The following APIP variants were observed in gnomAD, a reference collection of about 807,000 sequenced individuals.
APIP encodes the protein methylthioribulose-1-phosphate dehydratase.
Under a neutral mutation model 32.0 loss-of-function variants are expected in APIP, and 32 were observed. That is an observed-to-expected ratio of 1.00 (90% CI 0.76 to 1.34). The LOEUF (loss-of-function observed/expected upper bound fraction) is 1.34, where lower values mean the gene tolerates loss of function less well. Among genes scored for constraint, APIP ranks in the 40% most tolerant of loss-of-function variants. APIP has a pLI of 0.00. For missense variants in APIP, 247 were observed against 298.6 expected, an observed-to-expected ratio of 0.83 and a Z score of 1.27; for synonymous variants, 92 against 94.8, an observed-to-expected ratio of 0.97 and a Z score of 0.17.
At chr11:34,897,164 T>C (rs1016156894) in intron 1 of APIP, among the ~76,000 whole-genome samples, 1 of 152,204 alleles carries the variant, frequency 6.6e-6, no homozygotes, top group Non-Finnish European at 1.5e-5. Flanking sequence ...TACTTACTCA[T>C]TTTAAGTATT....
chr11:34,902,172 C>G lies in APIP; in HGVS notation c.58-7062G>C, dbSNP rs111704743. The stretch of plus-strand genomic sequence containing the variant: ...TGCCTTTTTCTGCATACCATTACAT[C>G]CTGATTCTCAACACCTGTTTGCCTT... On this transcript the variant is annotated intron_variant, in intron 1 of 6. Transcript: ENST00000395787. 2.6e-3 allele frequency among the ~76,000 whole-genome samples: 390 copies of G among 152,322 alleles called. 2 individuals are homozygous for G. The highest frequency in any genetic ancestry group is 8.9e-3 in the African/African-American group (369 of 41,552).
intron 5 of APIP, among the ~76,000 whole-genome samples, chr11:34,886,836 G>A (rs1440547634): frequency 6.6e-6 from 1 of 152,136 alleles, no homozygotes; most frequent in Non-Finnish European, 1.5e-5. Context: ...CCCTGGGTGT[G>A]CAGTAGGCTA....
intron 1 of APIP, among the ~76,000 whole-genome samples, chr11:34,912,779 C>T (rs773634602): frequency 1.3e-5 from 2 of 152,174 alleles, no homozygotes; most frequent in South Asian, 2.1e-4. Context: ...AGCCTGCAAA[C>T]GGCCTATTGC....
chr11:34,890,402 T>C (rs576438146), intron 3 of APIP, 102 bp downstream of exon 3: 81 of 1,128,200 alleles, frequency 7.2e-5, no homozygotes, highest in African/African-American at 6.5e-4. Flanking sequence ...GTTATTCAAA[T>C]TGCTATGATA....
intron 1 of APIP, among the ~76,000 whole-genome samples, chr11:34,900,616 G>A (rs1011582228): frequency 6.6e-6 from 1 of 152,110 alleles, no homozygotes; most frequent in East Asian, 1.9e-4. Flanking sequence ...AAAGCAGAAA[G>A]TTCTGCAGGC....
rs201392083 is a variant in APIP at position 34,890,511 on chromosome 11, C to T, written c.200G>A (p.Arg67Gln). The T allele has an allele frequency of 7.1e-5, 115 of 1,609,306 alleles. No individual in the cohort carries two copies. In the African/African-American group the frequency reaches 8.7e-4, roughly 12 times the overall value. Residue 67 changes from arginine (R) to glutamine (Q), a missense_variant, in exon 3 of 7, where the codon CGA becomes CAA. Transcript: ENST00000395787. The stretch of plus-strand genomic sequence containing the variant: ...AGAATCCCATTACCATACCTGAATT[C>T]GTTCCTTTTGCACTCCTGAAGGAGC... ...YIAPSGVQKE[R>Q]IQPEDMFVCD...
chr11:34,901,241 G>A (rs769896819), intron 1 of APIP, among the ~76,000 whole-genome samples: 3 of 152,038 alleles, frequency 2.0e-5, no homozygotes, highest in African/African-American at 7.3e-5. Flanking sequence ...GGCAAATCAG[G>A]GCATTTTAAG....
At chr11:34,908,035 G>GCA (rs1565139599) in intron 1 of APIP, among the ~76,000 whole-genome samples, 1 of 152,060 alleles carries the variant, frequency 6.6e-6, no homozygotes, top group Non-Finnish European at 1.5e-5. Context: ...TCTCATACAA[G>GCA]TATAAAATAA....
intron 3 of APIP, among the ~76,000 whole-genome samples, chr11:34,889,155 CA>C (rs1853142340): frequency 6.6e-6 from 1 of 151,490 alleles, no homozygotes; most frequent in Non-Finnish European, 1.5e-5. Flanking sequence ...ATACAAATCC[CA>C]AAAATTAAAA....
chr11:34,895,158 T>TA, intron 1 of APIP, 48 bp from the exon 2 acceptor site: 2 of 1,516,198 alleles, frequency 1.3e-6, no homozygotes, highest in Non-Finnish European at 1.8e-6. Flanking sequence ...TTTTATCAAG[T>TA]AACTATTCCA....
intron 1 of APIP, among the ~76,000 whole-genome samples, chr11:34,903,486 T>C (rs531778754): frequency 1.3e-5 from 2 of 152,366 alleles, no homozygotes; most frequent in Admixed American, 6.5e-5. Flanking sequence ...TCCATGCTCA[T>C]GCTGCCATTT....
At chr11:34,902,186 C>G (rs1282560725) in intron 1 of APIP, among the ~76,000 whole-genome samples, 1 of 152,208 alleles carries the variant, frequency 6.6e-6, no homozygotes, top group Non-Finnish European at 1.5e-5. Flanking sequence ...ATTCTCAACA[C>G]CTGTTTGCCT....
intron 5 of APIP, among the ~76,000 whole-genome samples, chr11:34,885,719 T>C (rs146330217): frequency 6.7e-4 from 102 of 152,276 alleles, no homozygotes; most frequent in Admixed American, 1.8e-3. Flanking sequence ...GCAAACCTTT[T>C]GGTGGCAGGC....
chr11:34,911,359 A>T (rs1853548302), intron 1 of APIP, among the ~76,000 whole-genome samples: 1 of 152,216 alleles, frequency 6.6e-6, no homozygotes, highest in African/African-American at 2.4e-5. Flanking sequence ...AAAAAATAGA[A>T]GTAGTCCCTA....
intron 1 of APIP, among the ~76,000 whole-genome samples, chr11:34,903,434 G>A (rs921782300): frequency 6.6e-6 from 1 of 152,230 alleles, no homozygotes; most frequent in Non-Finnish European, 1.5e-5. Flanking sequence ...AAAGGAAAGA[G>A]AGCTAACATT....
intron 3 of APIP, 130 bp from the exon 4 acceptor site, chr11:34,888,999 A>T: frequency 2.3e-6 from 1 of 437,324 alleles, no homozygotes; most frequent in Non-Finnish European, 3.9e-6. Flanking sequence ...TTGTGTGTAT[A>T]TTTAGTATAC....
chr11:34,905,616 T>C (rs1305455342), intron 1 of APIP, among the ~76,000 whole-genome samples: 1 of 152,168 alleles, frequency 6.6e-6, no homozygotes, highest in African/African-American at 2.4e-5. Flanking sequence ...TGTAACATCA[T>C]ACTTGTAATT....
Position 34,883,426 on chromosome 11 carries a change from T to A in APIP, c.540A>T (p.Ala180=), listed in dbSNP as rs753223277. The stretch of plus-strand genomic sequence containing the variant: ...CACAGGAGTCTGGGTATTCATTCAT[T>A]GCATGAGCCATTCTATCTTTGAGGT... ...EKDLKDRMAH[A]MNEYPDSCAV... Residue 180 remains alanine, a synonymous_variant, in exon 6 of 7, where the codon GCA becomes GCT. Transcript: ENST00000395787. The A allele has an allele frequency of 2.5e-6, 4 of 1,614,014 alleles. No homozygotes were observed. The Admixed American group carries it at 6.7e-5, about 27-fold the overall frequency.
At chr11:34,892,454 C>A (rs932595291) in intron 2 of APIP, among the ~76,000 whole-genome samples, 6 of 152,118 alleles carry the variant, frequency 3.9e-5, no homozygotes, top group Admixed American at 6.5e-5. Context: ...TAATTTAAAT[C>A]TTATAGTGCC....
Sources: gnomAD v4.1 joint callset for allele counts (sites outside exome capture counted in the v4.1 genomes callset) on GRCh38, gnomAD v4.1.1 for gene constraint, MANE v1.5 for transcripts, NCBI Gene and HGNC (gene_info 2026-07-23, HGNC 2026-07-21) for gene names.